GALNT13: variants seen among roughly 807,000 people sequenced by gnomAD.
GALNT13 encodes the protein UDP-GalNAc:polypeptide N-acetylgalactosaminyltransferase 13.
Under a neutral mutation model 64.2 loss-of-function variants are expected in GALNT13, and 28 were observed. The ratio of observed to expected loss-of-function variants is 0.44; its 90% CI spans 0.32 to 0.60. The LOEUF is 0.60. Ranked by LOEUF, GALNT13 falls within the 20% of genes least tolerant of loss-of-function variation. The probability of loss-of-function intolerance (pLI) is 0.05; values close to 1 mark genes in which losing one functional copy is unlikely to be tolerated. For missense variants in GALNT13, 577 were observed against 669.8 expected (o/e 0.86, Z 1.53); for synonymous variants, 214 against 224.6 (o/e 0.95, Z 0.42).
chr2:153,166,648 T>TGTGTGA, the GALNT13 span, among the ~76,000 whole-genome samples: 1 of 151,340 alleles, frequency 6.6e-6, no homozygotes, highest in Non-Finnish European at 1.5e-5. Flanking sequence ...TGTGTGTGTG[T>TGTGTGA]GTGTGTGTGT....
At chr2:153,527,266 A>G in the GALNT13 span, among the ~76,000 whole-genome samples, 3 of 152,200 alleles carry the variant, frequency 2.0e-5, no homozygotes. Context: ...CCTAAAAATA[A>G]AGGATAAAGA....
chr2:153,739,500 A>G, the GALNT13 span, among the ~76,000 whole-genome samples: 12,508 of 147,068 alleles, frequency 0.085, 1,137 homozygotes, highest in African/African-American at 0.23. Flanking sequence ...CTTGAATTAG[A>G]TTTTTGTTTT....
chr2:153,582,604 C>T, the GALNT13 span, among the ~76,000 whole-genome samples: 4 of 152,184 alleles, frequency 2.6e-5, no homozygotes, highest in African/African-American at 9.6e-5. Context: ...TTGCTTTCTA[C>T]CATTTTAATT....
the GALNT13 span, among the ~76,000 whole-genome samples, chr2:153,440,184 A>G: frequency 2.5e-4 from 38 of 150,602 alleles, no homozygotes; most frequent in Admixed American, 8.0e-4. Context: ...CCCACTTATG[A>G]GTGAGAACAT....
At chr2:154,127,072 A>T (rs1682325297) in intron 3 of GALNT13, among the ~76,000 whole-genome samples, 1 of 152,146 alleles carries the variant, frequency 6.6e-6, no homozygotes, top group South Asian at 2.1e-4. Flanking sequence ...ACGTCTCTGG[A>T]CTATAAAATT....
At chr2:154,074,267 A>T (rs761097354) in intron 3 of GALNT13, among the ~76,000 whole-genome samples, 3 of 151,950 alleles carry the variant, frequency 2.0e-5, no homozygotes, top group Non-Finnish European at 4.4e-5. Context: ...TATGCTTAAA[A>T]GTGAAATGGT....
the GALNT13 span, among the ~76,000 whole-genome samples, chr2:153,104,429 T>A: frequency 8.5e-5 from 13 of 152,280 alleles, no homozygotes; most frequent in African/African-American, 2.9e-4. Flanking sequence ...CTAAGAAAAG[T>A]AGGACAATCT....
intron 3 of GALNT13, among the ~76,000 whole-genome samples, chr2:154,111,240 T>C (rs910591326): frequency 1.1e-4 from 16 of 152,322 alleles, no homozygotes; most frequent in African/African-American, 2.9e-4. Flanking sequence ...ACCCAAACTT[T>C]CATTCTTGAA....
the GALNT13 span, among the ~76,000 whole-genome samples, chr2:153,176,610 AT>A: frequency 6.6e-6 from 1 of 152,008 alleles, no homozygotes. Context: ...TAAAATATAT[AT>A]CTAATATCTT....
At chr2:154,232,569 A>G (rs1688973343) in intron 4 of GALNT13, among the ~76,000 whole-genome samples, 3 of 152,296 alleles carry the variant, frequency 2.0e-5, no homozygotes, top group East Asian at 1.9e-4. Context: ...AGATGGTGAT[A>G]TAACTACCAT....
chr2:153,565,352 C>T, the GALNT13 span, among the ~76,000 whole-genome samples: 4 of 151,872 alleles, frequency 2.6e-5, no homozygotes, highest in East Asian at 3.9e-4. Flanking sequence ...TTTCCAAATA[C>T]GTTAAAAAAT....
the GALNT13 span, among the ~76,000 whole-genome samples, chr2:153,157,484 CTTA>C: frequency 6.6e-6 from 1 of 152,090 alleles, no homozygotes; most frequent in African/African-American, 2.4e-5. Context: ...CATTTTTTGT[CTTA>C]TTAATTGCTT....
chr2:153,382,245 AT>A, the GALNT13 span, among the ~76,000 whole-genome samples: 1 of 152,064 alleles, frequency 6.6e-6, no homozygotes. Context: ...CAGGGGGTAC[AT>A]GTGCAGGTTT....
At chr2:154,269,439 T>C (rs1408323339) in intron 8 of GALNT13, among the ~76,000 whole-genome samples, 1 of 151,976 alleles carries the variant, frequency 6.6e-6, no homozygotes, top group Non-Finnish European at 1.5e-5. Flanking sequence ...CTGGTTTTTT[T>C]TTTTGGATCA....
chr2:154,153,292 G>GTTT (rs202032094), intron 4 of GALNT13, among the ~76,000 whole-genome samples: 19,746 of 152,062 alleles, frequency 0.13, 1,407 homozygotes, highest in South Asian at 0.21. Context: ...TCCTCTGGAA[G>GTTT]TGTCTCAGAG....
the GALNT13 span, among the ~76,000 whole-genome samples, chr2:153,115,550 C>A: frequency 6.6e-6 from 1 of 151,980 alleles, no homozygotes; most frequent in East Asian, 1.9e-4. Context: ...TTTCCTTTAG[C>A]GCACAAGGGA....
chr2:153,680,124 G>A, the GALNT13 span, among the ~76,000 whole-genome samples: 1 of 151,808 alleles, frequency 6.6e-6, no homozygotes, highest in African/African-American at 2.4e-5. Context: ...AAATAAATAT[G>A]TGTTGAATAA....
At chr2:153,982,703 G>C (rs2105163105) in intron 3 of GALNT13, among the ~76,000 whole-genome samples, 1 of 152,026 alleles carries the variant, frequency 6.6e-6, no homozygotes, top group African/African-American at 2.4e-5. Flanking sequence ...CTTCTACCTT[G>C]ATGTTTGGAG....
At chr2:153,611,882 A>T in the GALNT13 span, among the ~76,000 whole-genome samples, 20 of 143,286 alleles carry the variant, frequency 1.4e-4, 1 homozygote, top group Non-Finnish European at 2.1e-4. Flanking sequence ...ACAGTCCCTG[A>T]TGTGTGATAT....
Sources: allele counts gnomAD v4.1 joint callset (sites outside exome capture counted in the v4.1 genomes callset), GRCh38; gene constraint gnomAD v4.1.1; transcripts MANE v1.5; gene names NCBI Gene and HGNC (gene_info 2026-07-23, HGNC 2026-07-21).